Variants in PLEKHG1 observed in about 807,000 individuals in gnomAD.
PLEKHG1 encodes pleckstrin homology domain-containing family G member 1.
Under a neutral mutation model 100.8 loss-of-function variants are expected in PLEKHG1, and 44 were observed. The observed-to-expected ratio is 0.44, with a 90% CI of 0.34 to 0.56. The LOEUF (loss-of-function observed/expected upper bound fraction) is 0.56, where lower values mean the gene tolerates loss of function less well. PLEKHG1 is among the 20% of genes least tolerant of loss of function. The probability of loss-of-function intolerance (pLI) is 0.01; values close to 1 mark genes in which losing one functional copy is unlikely to be tolerated. For synonymous variants in PLEKHG1, 640 were observed against 662.5 expected, an observed-to-expected ratio of 0.97 and a Z score of 0.52; for missense variants, 1,545 against 1,720.9, an observed-to-expected ratio of 0.90 and a Z score of 1.81.
chr6:150,731,289 A>G (rs868655074), intron 1 of PLEKHG1, among the ~76,000 whole-genome samples: 13 of 152,222 alleles, frequency 8.5e-5, no homozygotes, highest in African/African-American at 3.1e-4. Flanking sequence ...ACAAGCAGAA[A>G]GAATATTGCA....
chr6:150,653,540 C>T lies in PLEKHG1; in HGVS notation c.-99+2754C>T, dbSNP rs111864798. Among the ~76,000 whole-genome samples, 131 of 152,160 alleles carry T rather than the reference C, an allele frequency of 8.6e-4. 1 individual carries two copies. The highest frequency in any genetic ancestry group is 2.9e-3 in the African/African-American group (121 of 41,506). On this transcript the variant is annotated intron_variant, in intron 3 of 3. Transcript: ENST00000367326. ...AGTGGATCGCTTGAGCCTAGGAGTT[C>T]GAGACCAGCCTGGGCAATATGGCAA...
At chr6:150,623,019 CT>C (rs758455220) in intron 1 of PLEKHG1, among the ~76,000 whole-genome samples, 24,821 of 145,182 alleles carry the variant, frequency 0.17, 2,088 homozygotes, top group East Asian at 0.26. Context: ...TAATGAGCAT[CT>C]TTTTTTTTTT....
rs1362272399 is a variant in PLEKHG1 at position 150,609,773 on chromosome 6, A to T, written c.-204+9756A>T. Among the ~76,000 whole-genome samples, 5 of 152,156 alleles carry T rather than the reference A, an allele frequency of 3.3e-5. No homozygotes were observed. The East Asian group carries it at 9.7e-4, about 29-fold the overall frequency. On this transcript the variant is annotated intron_variant, in intron 1 of 3. Transcript: ENST00000367326. ...CCATGCAGTGGTACAGAGAAGGAGG[A>T]TGGTAGCAGAGGAGGTGGTGAAAAA...
intron 7 of PLEKHG1, among the ~76,000 whole-genome samples, chr6:150,806,327 C>G (rs1333551170): frequency 1.4e-5 from 2 of 145,452 alleles, no homozygotes; most frequent in Non-Finnish European, 3.0e-5. Flanking sequence ...ATACAGTCAT[C>G]CCCCCTATCC....
At chr6:150,619,074 C>A (rs909531045) in intron 1 of PLEKHG1, among the ~76,000 whole-genome samples, 1 of 152,070 alleles carries the variant, frequency 6.6e-6, no homozygotes, top group African/African-American at 2.4e-5. Flanking sequence ...AGAGTAACAT[C>A]CTGTCTCTAA....
intron 3 of PLEKHG1, among the ~76,000 whole-genome samples, chr6:150,699,692 T>C (rs1187090557): frequency 1.3e-5 from 2 of 152,220 alleles, no homozygotes; most frequent in Non-Finnish European, 2.9e-5. Context: ...CGCGAGGCCA[T>C]GAAAATTAAG....
chr6:150,642,577 A>G (rs1056205733), intron 2 of PLEKHG1, among the ~76,000 whole-genome samples: 1 of 152,346 alleles, frequency 6.6e-6, no homozygotes. Flanking sequence ...CTGTATAACT[A>G]CAGTTGCCTT....
intron 3 of PLEKHG1, among the ~76,000 whole-genome samples, chr6:150,779,344 G>GTTAGTTTTTTTTTTTTTTT (rs1554272274): frequency 1.9e-5 from 2 of 104,536 alleles, no homozygotes; most frequent in African/African-American, 8.6e-5. Flanking sequence ...TTGTCAAGAA[G>GTTAGTTTTTTTTTTTTTTT]TTTTTTTTTT....
intron 3 of PLEKHG1, among the ~76,000 whole-genome samples, chr6:150,691,992 C>G (rs1456773471): frequency 6.6e-6 from 1 of 152,234 alleles, no homozygotes; most frequent in Non-Finnish European, 1.5e-5. Flanking sequence ...TCCTGTCCCG[C>G]TGGGACATGG....
intron 3 of PLEKHG1, among the ~76,000 whole-genome samples, chr6:150,671,472 C>A (rs923141521): frequency 2.6e-5 from 4 of 152,110 alleles, no homozygotes; most frequent in African/African-American, 9.7e-5. Flanking sequence ...AAGAAGGAAC[C>A]AGTGCCCCAG....
intron 1 of PLEKHG1, among the ~76,000 whole-genome samples, chr6:150,608,619 C>G (rs547143369): frequency 6.6e-6 from 1 of 152,068 alleles, no homozygotes; most frequent in African/African-American, 2.4e-5. Flanking sequence ...AATTATTACT[C>G]GATGCTTCAA....
intron 3 of PLEKHG1, among the ~76,000 whole-genome samples, chr6:150,660,647 A>G (rs894435976): frequency 1.3e-5 from 2 of 152,180 alleles, no homozygotes; most frequent in Non-Finnish European, 2.9e-5. Context: ...AGCACCTCAT[A>G]CTCAGAGCCA....
chr6:150,793,883 A>C (rs1423254279), intron 4 of PLEKHG1, among the ~76,000 whole-genome samples: 1 of 152,162 alleles, frequency 6.6e-6, no homozygotes, highest in East Asian at 1.9e-4. Flanking sequence ...GGAATTCAAG[A>C]CCAGCCTGGC....
chr6:150,599,973 C>T (rs1268435725), exon 1 of PLEKHG1: 1 of 231,062 alleles, frequency 4.3e-6, no homozygotes, highest in South Asian at 3.9e-5. Context: ...CCTCCCCGCC[C>T]GACCTGCGAG....
intron 1 of PLEKHG1, among the ~76,000 whole-genome samples, chr6:150,601,076 G>A (rs998947775): frequency 6.6e-6 from 1 of 152,184 alleles, no homozygotes; most frequent in Non-Finnish European, 1.5e-5. Flanking sequence ...ACTATATTGT[G>A]TTTTGTATTT....
intron 1 of PLEKHG1, among the ~76,000 whole-genome samples, chr6:150,612,579 C>T (rs1220092785): frequency 2.0e-5 from 3 of 152,238 alleles, no homozygotes; most frequent in African/African-American, 4.8e-5. Flanking sequence ...GTGATTCACC[C>T]GCCTCAACTT....
At chr6:150,646,783 A>C (rs17080052) in intron 2 of PLEKHG1, among the ~76,000 whole-genome samples, 10,911 of 152,192 alleles carry the variant, frequency 0.072, 921 homozygotes, top group African/African-American at 0.19. Flanking sequence ...TTTGAGATTT[A>C]CGTGATCAGA....
At chr6:150,753,987 G>A (rs1783677491) in intron 2 of PLEKHG1, among the ~76,000 whole-genome samples, 1 of 152,154 alleles carries the variant, frequency 6.6e-6, no homozygotes, top group South Asian at 2.1e-4. Flanking sequence ...TTAGGTGCTG[G>A]GAACACTAAA....
intron 2 of PLEKHG1, among the ~76,000 whole-genome samples, chr6:150,765,676 T>G (rs1442183376): frequency 1.3e-5 from 2 of 152,096 alleles, no homozygotes; most frequent in Non-Finnish European, 2.9e-5. Flanking sequence ...GATCAGAGCT[T>G]CTCAAACTAT....
Sources: gnomAD v4.1 joint callset for allele counts (sites outside exome capture counted in the v4.1 genomes callset) on GRCh38, gnomAD v4.1.1 for gene constraint, MANE v1.5 for transcripts, NCBI Gene and HGNC (gene_info 2026-07-23, HGNC 2026-07-21) for gene names.